LRRC14: variants seen among roughly 807,000 people sequenced by gnomAD.
LRRC14 encodes the protein leucine-rich repeat-containing protein 14.
LRRC14 carries 16 observed loss-of-function variants against 25.3 expected under a neutral mutation model. The ratio of observed to expected loss-of-function variants is 0.63; its 90% CI spans 0.43 to 0.96. LRRC14 has a LOEUF of 0.96. Among genes scored for constraint, LRRC14 ranks in the 40% least tolerant of loss-of-function variants. LRRC14 has a pLI of 0.00. For synonymous variants in LRRC14, 359 were observed against 295.1 expected (o/e 1.22, Z -2.22); for missense variants, 594 against 660.5 (o/e 0.90, Z 1.10).
In LRRC14 at chr8:144,522,657, A is replaced by G. The variant is rs1564823426; in HGVS notation, c.*1179A>G. 1 of 1,591,960 alleles carries G rather than the reference A, an allele frequency of 6.3e-7. No homozygotes were observed. Among genetic ancestry groups the G allele is most frequent in the Non-Finnish European group, 8.5e-7 (1 of 1,170,822 alleles). ...AGCTCCTCTAGCTGTGCGAACGTACAGGGGCCGTCCAAGTAGTCGTTGACG... is the reference window on the plus strand; with the variant it reads ...AGCTCCTCTAGCTGTGCGAACGTACGGGGGCCGTCCAAGTAGTCGTTGACG... On this transcript the variant is annotated 3_prime_UTR_variant, in exon 4 of 4. Coordinates refer to ENST00000292524, the MANE Select transcript of LRRC14 (RefSeq NM_014665.4).
In LRRC14 at chr8:144,520,650, C is replaced by T. The variant is rs1294026885; in HGVS notation, c.742C>T (p.Gln248Ter). Reference sequence around the variant, plus strand: ...GATCATCCCACACGTGGCCCGCTTCCAGCACCTGGCCAGCCTGCGGCTCCA... The same window carrying T: ...GATCATCCCACACGTGGCCCGCTTCTAGCACCTGGCCAGCCTGCGGCTCCA... ...SVIIPHVARF[Q>*]HLASLRLHYV... is the part of the protein sequence containing the mutation. The change falls in exon 3 of 4, where the codon CAG becomes TAG. Residue 248 changes from glutamine (Q) to a stop codon, truncating the protein, a stop_gained. Coordinates refer to ENST00000292524, the MANE Select transcript of LRRC14 (RefSeq NM_014665.4). LOFTEE classifies it high-confidence loss of function. 3 of 1,601,820 alleles carry T rather than the reference C, an allele frequency of 1.9e-6. No homozygotes were observed. Among genetic ancestry groups the T allele is most frequent in the African/African-American group, 1.3e-5 (1 of 75,068 alleles).
rs986329155 is a variant in LRRC14 at position 144,524,213 on chromosome 8, C to T, written c.*2735C>T. 1.9e-6 allele frequency: 3 copies of T among 1,612,514 alleles called. No individual in the cohort carries two copies. The highest frequency in any genetic ancestry group is 1.3e-5 in the African/African-American group (1 of 74,940). On this transcript the variant is annotated 3_prime_UTR_variant, in exon 4 of 4. Transcript: ENST00000292524. ...GGTCCAGCAGTGCTAGGGAGGACAG[C>T]CCCGCTAGAGCCTGGTCCTCCAGCA...
rs1816219804 is a variant in LRRC14 at position 144,523,547 on chromosome 8, C to T, written c.*2069C>T. On this transcript the variant is annotated 3_prime_UTR_variant, in exon 4 of 4. Coordinates refer to ENST00000292524, the MANE Select transcript of LRRC14 (RefSeq NM_014665.4). ...TCACACGGAGTCCAAGGCCCTGCCA[C>T]CCCTTCCTTGACCCCAAGCTCCTTG... is the stretch of plus-strand genomic sequence containing the variant. 18 of 1,332,860 alleles carry T rather than the reference C, an allele frequency of 1.4e-5. No homozygotes were observed. Among genetic ancestry groups the T allele is most frequent in the African/African-American group, 6.1e-5 (4 of 65,364 alleles). The allele number at this position is 1,332,860 out of a possible 1,614,324, so 82.6% of individuals were successfully genotyped here.
chr8:144,520,912 A>G lies in LRRC14; in HGVS notation c.916A>G (p.Thr306Ala), dbSNP rs1007809726. The G allele has an allele frequency of 6.8e-6, 11 of 1,608,262 alleles. No homozygotes were observed. The highest frequency in any genetic ancestry group is 8.5e-6 in the Non-Finnish European group (10 of 1,179,056). Residue 306 changes from threonine (T) to alanine (A), a missense_variant and splice_region_variant, in exon 4 of 4, where the codon ACC (threonine) becomes GCC (alanine). Transcript: ENST00000292524. The part of the protein sequence containing the change: ...LSGRLDQLLS[T>A]LQSPLESLEL... Reference sequence around the variant, plus strand: ...CTGTGACCCCTGTGTCCCCTGTAGCACCCTGCAGAGCCCCCTGGAGAGCCT... The same window carrying G: ...CTGTGACCCCTGTGTCCCCTGTAGCGCCCTGCAGAGCCCCCTGGAGAGCCT...
rs1354124075 is a variant in LRRC14 at position 144,520,405 on chromosome 8, A to AG, written c.499dup (p.Val167GlyfsTer37). On this transcript the variant is annotated frameshift_variant, in exon 3 of 4. Coordinates refer to ENST00000292524, the MANE Select transcript of LRRC14 (RefSeq NM_014665.4). LOFTEE classifies it high-confidence loss of function. ...CCTGGGCCAGCCCCCATCCCCGTGG[A>AG]GGTGCGCGTGGACCTGCGGGTGAAC... 6.2e-7 allele frequency: 1 copy of AG among 1,605,592 alleles called. No individual in the cohort carries two copies. Among genetic ancestry groups the AG allele is most frequent in the Non-Finnish European group, 8.5e-7 (1 of 1,177,198 alleles).
rs376280133 is a variant in LRRC14, at chr8:144,523,237, G to C, written c.*1759G>C. ...GCTCCAGCGGCTGCACGTGGACAGAGGGCGGAATGCAGATGAGGCTGCTGT... is the reference window on the plus strand; with the variant it reads ...GCTCCAGCGGCTGCACGTGGACAGACGGCGGAATGCAGATGAGGCTGCTGT... On this transcript the variant is annotated 3_prime_UTR_variant, in exon 4 of 4. Transcript: ENST00000292524. The C allele has an allele frequency of 2.9e-5, 46 of 1,610,366 alleles. No homozygotes were observed. Among genetic ancestry groups the C allele is most frequent in the South Asian group, 9.9e-5 (9 of 90,682 alleles).
rs1346839013 is a variant in LRRC14, at chr8:144,520,203, C to A, written c.330-35C>A. 3.1e-6 allele frequency: 5 copies of A among 1,595,242 alleles called. No homozygotes were observed. The African/African-American group carries it at 6.7e-5, about 21-fold the overall frequency. ...GCTGGGAGGGGGTATGGGCGCTGCCCCTCCACCCCTTCCTCACACCATTCC... is the reference window on the plus strand; with the variant it reads ...GCTGGGAGGGGGTATGGGCGCTGCCACTCCACCCCTTCCTCACACCATTCC... On this transcript the variant is annotated intron_variant, in intron 2 of 3. Coordinates refer to ENST00000292524, the MANE Select transcript of LRRC14 (RefSeq NM_014665.4).
chr8:144,523,276 G>C lies in LRRC14; in HGVS notation c.*1798G>C, dbSNP rs754682882. ...TGAGGCTGCTGTGGGATACGTCCAG[G>C]AGACTCTGGAGCGCCAGGCGCGGGG... On this transcript the variant is annotated 3_prime_UTR_variant, in exon 4 of 4. Transcript: ENST00000292524. 1.9e-6 allele frequency: 3 copies of C among 1,611,060 alleles called. No homozygotes were observed. The highest frequency in any genetic ancestry group is 2.5e-6 in the Non-Finnish European group (3 of 1,179,220).
In LRRC14 at chr8:144,523,165, G is replaced by T; in HGVS notation, c.*1687G>T. The T allele has an allele frequency of 1.2e-6, 2 of 1,610,534 alleles. No homozygotes were observed. The highest frequency in any genetic ancestry group is 1.7e-6 in the Non-Finnish European group (2 of 1,179,130). The stretch of plus-strand genomic sequence containing the variant: ...AGGTCACCAATGGCTGCGGGTAGCC[G>T]GAGGCTTGGCAGGCAACCCGCAGGT... On this transcript the variant is annotated 3_prime_UTR_variant, in exon 4 of 4. Coordinates refer to ENST00000292524, the MANE Select transcript of LRRC14 (RefSeq NM_014665.4).
rs1227154689 is a variant in LRRC14, at chr8:144,521,973, T to A, written c.*495T>A. 5.7e-6 allele frequency: 1 copy of A among 175,654 alleles called. No individual in the cohort carries two copies. The highest frequency in any genetic ancestry group is 1.2e-5 in the Non-Finnish European group (1 of 83,292). 10.9% of individuals were successfully genotyped at this position (175,654 alleles called of 1,614,324 possible). On this transcript the variant is annotated 3_prime_UTR_variant, in exon 4 of 4. Coordinates refer to ENST00000292524, the MANE Select transcript of LRRC14 (RefSeq NM_014665.4). ...CTGCCACCCAGCCACCCCACTGGGC[T>A]GGGCTCGGGCTGGAGGGGGTCATCA... is the stretch of plus-strand genomic sequence containing the variant.
chr8:144,520,731 T>A lies in LRRC14; in HGVS notation c.823T>A (p.Tyr275Asn). The A allele has an allele frequency of 6.3e-7, 1 of 1,599,052 alleles. No individual in the cohort carries two copies. The highest frequency in any genetic ancestry group is 8.5e-7 in the Non-Finnish European group (1 of 1,179,946). Residue 275 changes from tyrosine to asparagine, a missense_variant, in exon 3 of 4, where the codon TAC (tyrosine) becomes AAC (asparagine). Physicochemically the swap from Tyr to Asn is moderately radical, Grantham distance 143. Transcript: ENST00000292524. ...CGTGGATGGCGAGGACAACTTCCGC[T>A]ACTTCCTTGCCCAGATGGGCCGCTT... The part of the protein sequence containing the change: ...PSVDGEDNFR[Y>N]FLAQMGRFTC...
Position 144,521,137 on chromosome 8 carries a change from C to A in LRRC14, c.1141C>A (p.Gln381Lys). ...GACTGAGTGTCAGCTCGCAGACACCCAGCTGTTGGCCACACTACCCATCCT... is the reference window on the plus strand; with the variant it reads ...GACTGAGTGTCAGCTCGCAGACACCAAGCTGTTGGCCACACTACCCATCCT... The part of the protein sequence containing the change: ...ELTECQLADT[Q>K]LLATLPILTQ... The change falls in exon 4 of 4, where the codon CAG becomes AAG. Residue 381 changes from glutamine to lysine, a missense_variant. Physicochemically the swap from Gln to Lys is moderately conservative, Grantham distance 53. Transcript: ENST00000292524. The A allele has an allele frequency of 6.2e-7, 1 of 1,613,098 alleles. No homozygotes were observed. Among genetic ancestry groups the A allele is most frequent in the Non-Finnish European group, 8.5e-7 (1 of 1,180,036 alleles).
rs768337655 is a variant in LRRC14 at position 144,519,799 on chromosome 8, T to C, written c.74T>C (p.Leu25Ser). ...CQPAACQALP[L>S]LPRELFPLLF... is the part of the protein sequence containing the mutation. ...CCAGCTGCCTGCCAGGCCCTGCCCT[T>C]GCTGCCACGCGAACTCTTCCCCCTG... is the stretch of plus-strand genomic sequence containing the variant. The change falls in exon 2 of 4, where the codon TTG becomes TCG. Residue 25 changes from leucine (L) to serine (S), a missense_variant. Physicochemically the swap from Leu to Ser is moderately radical, Grantham distance 145. Coordinates refer to ENST00000292524, the MANE Select transcript of LRRC14 (RefSeq NM_014665.4). 6.2e-7 allele frequency: 1 copy of C among 1,613,184 alleles called. No individual in the cohort carries two copies. Among genetic ancestry groups the C allele is most frequent in the Non-Finnish European group, 8.5e-7 (1 of 1,179,920 alleles).
chr8:144,521,577 G>T lies in LRRC14; in HGVS notation c.*99G>T. ...GGTGGAGGCCTTCACAAAAGCACTG[G>T]TTACTGGTTTCCTGCTGGGTCTACC... On this transcript the variant is annotated 3_prime_UTR_variant, in exon 4 of 4. Transcript: ENST00000292524. 1 of 1,239,480 alleles carries T rather than the reference G, an allele frequency of 8.1e-7. No homozygotes were observed. Among genetic ancestry groups the T allele is most frequent in the Non-Finnish European group, 1.1e-6 (1 of 912,530 alleles). The allele number at this position is 1,239,480 out of a possible 1,614,324, so 76.8% of individuals were successfully genotyped here.
Position 144,522,151 on chromosome 8 carries a change from C to A in LRRC14, c.*673C>A. The A allele has an allele frequency of 3.0e-6, 1 of 330,432 alleles. No individual in the cohort carries two copies. The highest frequency in any genetic ancestry group is 5.5e-6 in the Non-Finnish European group (1 of 181,898). 20.5% of individuals were successfully genotyped at this position (330,432 alleles called of 1,614,324 possible). A position where few individuals can be genotyped will look rare whatever the true frequency, so the allele number is the denominator to read the frequency against. ...CGCCCCGCCCTTCGCGGGGCAGCCC[C>A]GTCGGCACTGCCGGCCAGTCCTTGC... On this transcript the variant is annotated 3_prime_UTR_variant, in exon 4 of 4. Coordinates refer to ENST00000292524, the MANE Select transcript of LRRC14 (RefSeq NM_014665.4).
At position 144,524,888 on chromosome 8, in the gene LRRC14, G is replaced by T; in HGVS notation, c.*3410G>T. 6.6e-7 allele frequency: 1 copy of T among 1,515,062 alleles called. No individual in the cohort carries two copies. Among genetic ancestry groups the T allele is most frequent in the Non-Finnish European group, 8.8e-7 (1 of 1,133,366 alleles). The allele number at this position is 1,515,062 out of a possible 1,614,324, so 93.9% of individuals were successfully genotyped here. Reference sequence around the variant, plus strand: ...CGCCACACTCCACCGTGGCGCTGTAGCAGCGGCAGGCTGCTGGGCAGCCGG... The same window carrying T: ...CGCCACACTCCACCGTGGCGCTGTATCAGCGGCAGGCTGCTGGGCAGCCGG... On this transcript the variant is annotated 3_prime_UTR_variant, in exon 4 of 4. Coordinates refer to ENST00000292524, the MANE Select transcript of LRRC14 (RefSeq NM_014665.4).
In LRRC14 at chr8:144,521,985, G is replaced by A; in HGVS notation, c.*507G>A. 5.7e-6 allele frequency: 1 copy of A among 175,766 alleles called. No homozygotes were observed. The highest frequency in any genetic ancestry group is 1.5e-4 in the South Asian group (1 of 6,480). 10.9% of individuals were successfully genotyped at this position (175,766 alleles called of 1,614,324 possible). A position where few individuals can be genotyped will look rare whatever the true frequency, so the allele number is the denominator to read the frequency against. ...CACCCCACTGGGCTGGGCTCGGGCT[G>A]GAGGGGGTCATCAAGGTACACATGT... is the stretch of plus-strand genomic sequence containing the variant. On this transcript the variant is annotated 3_prime_UTR_variant, in exon 4 of 4. Coordinates refer to ENST00000292524, the MANE Select transcript of LRRC14 (RefSeq NM_014665.4).
Position 144,524,933 on chromosome 8 carries a change from T to TAGCAGC in LRRC14, c.*3462_*3467dup. ...AGCCGGCGGCGCGGAGCGGCAGTAG[T>TAGCAGC]AGCAGCAGCAGCGGCAGCAGTGCGG... On this transcript the variant is annotated 3_prime_UTR_variant, in exon 4 of 4. Coordinates refer to ENST00000292524, the MANE Select transcript of LRRC14 (RefSeq NM_014665.4). The TAGCAGC allele has an allele frequency of 2.0e-6, 3 of 1,510,860 alleles. No homozygotes were observed. Among genetic ancestry groups the TAGCAGC allele is most frequent in the East Asian group, 2.5e-5 (1 of 39,882 alleles). The allele number at this position is 1,510,860 out of a possible 1,614,324, so 93.6% of individuals were successfully genotyped here. A position where few individuals can be genotyped will look rare whatever the true frequency, so the allele number is the denominator to read the frequency against.
At position 144,525,136 on chromosome 8, in the gene LRRC14, C is replaced by G. The variant is rs1393654757; in HGVS notation, c.*3658C>G. On this transcript the variant is annotated 3_prime_UTR_variant, in exon 4 of 4. Transcript: ENST00000292524. ...TAACTTTTGACGCTATAAATAGGTT[C>G]AAGAAACTAATAAAACGTTCTGGTT... The G allele has an allele frequency of 1.5e-6, 1 of 671,638 alleles. No homozygotes were observed. The highest frequency in any genetic ancestry group is 4.6e-5 in the South Asian group (1 of 21,938). 41.6% of individuals were successfully genotyped at this position (671,638 alleles called of 1,614,324 possible).
Sources: allele counts gnomAD v4.1 joint callset, GRCh38; gene constraint gnomAD v4.1.1; transcripts MANE v1.5; gene names NCBI Gene and HGNC (gene_info 2026-07-23, HGNC 2026-07-21).